Variants in DMD observed in about 807,000 individuals in gnomAD.
DMD encodes the protein mutant dystrophin.
In DMD, 63 loss-of-function variants were observed where a neutral mutation model predicts 330.1. The ratio of observed to expected loss-of-function variants is 0.19; its 90% CI spans 0.16 to 0.24. DMD has a LOEUF of 0.24. DMD is among the 10% of genes least tolerant of loss of function. The probability of loss-of-function intolerance (pLI) is 1.00; values close to 1 mark genes in which losing one functional copy is unlikely to be tolerated. For synonymous variants in DMD, 1,223 were observed against 959.8 expected (o/e 1.27, Z -5.07); for missense variants, 3,344 against 2,684.1 (o/e 1.25, Z -5.43).
rs2060425251 is a variant in DMD, at chrX:32,654,644, A to T, written c.961-9492T>A. Among the ~76,000 whole-genome samples the T allele has an allele frequency of 7.2e-5, 8 of 111,630 alleles. No individual in the cohort carries two copies. In the South Asian group the frequency reaches 3.0e-3, roughly 41 times the overall value. ...TGTTTTGTCTCTGCCAGGCTTTGGT[A>T]TCAGGATGATGCTTGCCTCATAAAA... On this transcript the variant is annotated intron_variant, in intron 9 of 78. Transcript: ENST00000357033.
intron 44 of DMD, among the ~76,000 whole-genome samples, chrX:32,208,677 G>T (rs182230931): frequency 8.9e-6 from 1 of 112,056 alleles, no homozygotes; most frequent in East Asian, 2.8e-4. Context: ...GCCTTAAGAC[G>T]TTGAACTCAT....
At chrX:32,230,537 G>A (rs994063779) in intron 43 of DMD, among the ~76,000 whole-genome samples, 2 of 111,990 alleles carry the variant, frequency 1.8e-5, no homozygotes, top group Admixed American at 9.5e-5. Context: ...GAGCCACCGC[G>A]CCCGGCCAAA....
chrX:31,589,489 A>G (rs575446696), intron 55 of DMD, among the ~76,000 whole-genome samples: 6 of 111,623 alleles, frequency 5.4e-5, no homozygotes, highest in African/African-American at 2.0e-4. Flanking sequence ...AATATGCATC[A>G]GGATAAAGGA....
chrX:33,090,923 G>T (rs1471695860), intron 1 of DMD, among the ~76,000 whole-genome samples: 1 of 110,896 alleles, frequency 9.0e-6, no homozygotes, highest in Non-Finnish European at 1.9e-5. Flanking sequence ...ATAAAATATA[G>T]GTACAAACAT....
At chrX:31,912,058 C>A (rs2094554652) in intron 47 of DMD, among the ~76,000 whole-genome samples, 1 of 111,282 alleles carries the variant, frequency 9.0e-6, no homozygotes, top group Non-Finnish European at 1.9e-5. Flanking sequence ...ACTGGCGATG[C>A]CCAGTTCAGT....
At chrX:32,888,710 C>T (rs925726410) in intron 2 of DMD, among the ~76,000 whole-genome samples, 10 of 111,881 alleles carry the variant, frequency 8.9e-5, no homozygotes, top group African/African-American at 1.3e-4. Context: ...TCTGCACACC[C>T]GTGTTTATTG....
At chrX:32,790,134 C>T (rs907666284) in intron 7 of DMD, among the ~76,000 whole-genome samples, 1 of 111,661 alleles carries the variant, frequency 9.0e-6, no homozygotes, top group Admixed American at 9.6e-5. Flanking sequence ...TGTTACTCAC[C>T]TCTTCCATGG....
intron 1 of DMD, among the ~76,000 whole-genome samples, chrX:33,225,449 C>T (rs1231521284): frequency 9.0e-6 from 1 of 111,082 alleles, no homozygotes; most frequent in Non-Finnish European, 1.9e-5. Flanking sequence ...CAAAATAATT[C>T]AGTGGAGCAA....
chrX:32,346,283 G>C (rs1038148055), intron 38 of DMD, among the ~76,000 whole-genome samples: 3 of 111,417 alleles, frequency 2.7e-5, no homozygotes, highest in Non-Finnish European at 3.8e-5. Context: ...CTCCCATCTA[G>C]TTGTAAAGAA....
At chrX:31,687,031 C>T (rs184056209) in intron 52 of DMD, among the ~76,000 whole-genome samples, 84 of 111,504 alleles carry the variant, frequency 7.5e-4, no homozygotes, top group Non-Finnish European at 1.2e-3. Context: ...ATTCCAGGCC[C>T]TAGTTCCTGG....
At chrX:31,613,197 T>C (rs1229371844) in intron 55 of DMD, among the ~76,000 whole-genome samples, 1 of 112,428 alleles carries the variant, frequency 8.9e-6, no homozygotes, top group Non-Finnish European at 1.9e-5. Flanking sequence ...GTGGAGTTTA[T>C]GTTCTCATCC....
intron 41 of DMD, among the ~76,000 whole-genome samples, chrX:32,324,385 T>C (rs1041434637): frequency 9.0e-6 from 1 of 111,455 alleles, no homozygotes; most frequent in East Asian, 2.8e-4. Flanking sequence ...TTAATGGTGA[T>C]TTAGAAAACC....
chrX:32,775,662 C>A (rs2074065157), intron 7 of DMD, among the ~76,000 whole-genome samples: 1 of 113,077 alleles, frequency 8.8e-6, no homozygotes, highest in South Asian at 3.6e-4. Context: ...CTGCACAGAG[C>A]AGTGGGGCCT....
At chrX:31,599,820 G>T (rs1171165298) in intron 55 of DMD, among the ~76,000 whole-genome samples, 1 of 112,204 alleles carries the variant, frequency 8.9e-6, no homozygotes, top group Non-Finnish European at 1.9e-5. Context: ...AACAATTTCT[G>T]AATGATCTTA....
At chrX:32,331,035 A>G (rs2097676804) in intron 41 of DMD, among the ~76,000 whole-genome samples, 1 of 111,797 alleles carries the variant, frequency 8.9e-6, no homozygotes, top group Admixed American at 9.5e-5. Context: ...CCTGTCCCCT[A>G]ATTTTATAGG....
rs538154392 is a variant in DMD, at chrX:32,879,897, T to C, written c.94-30077A>G. ...GATGTACTTGCATGTATTCCAATAG[T>C]GATTGCCTTTCAGACCTTCCTCTTC... On this transcript the variant is annotated intron_variant, in intron 2 of 78. Transcript: ENST00000357033. 3.6e-5 allele frequency among the ~76,000 whole-genome samples: 4 copies of C among 111,648 alleles called. No individual in the cohort carries two copies. In the East Asian group the frequency reaches 8.4e-4, roughly 23 times the overall value.
chrX:31,264,213 C>G (rs925401133), intron 62 of DMD, among the ~76,000 whole-genome samples: 1 of 111,945 alleles, frequency 8.9e-6, no homozygotes, highest in African/African-American at 3.3e-5. Flanking sequence ...TGAGAAGAGC[C>G]CACATTTACC....
intron 55 of DMD, among the ~76,000 whole-genome samples, chrX:31,575,760 C>T (rs1170105805): frequency 2.7e-5 from 3 of 111,977 alleles, no homozygotes; most frequent in Non-Finnish European, 5.6e-5. Context: ...TAGTTTCCTA[C>T]ATAAACAGTT....
intron 11 of DMD, among the ~76,000 whole-genome samples, chrX:32,643,137 G>A (rs2059576029): frequency 3.6e-5 from 4 of 110,955 alleles, no homozygotes; most frequent in South Asian, 3.8e-4. Flanking sequence ...CACAGCAGGC[G>A]AATAATATCA....
Sources: gnomAD v4.1 joint callset for allele counts (sites outside exome capture counted in the v4.1 genomes callset) on GRCh38, gnomAD v4.1.1 for gene constraint, MANE v1.5 for transcripts, NCBI Gene and HGNC (gene_info 2026-07-23, HGNC 2026-07-21) for gene names.